The following CCDC33 variants were observed in gnomAD, a reference collection of about 807,000 sequenced individuals.
The protein encoded by CCDC33 is coiled-coil domain containing 33.
CCDC33 carries 94 observed loss-of-function variants against 91.9 expected under a neutral mutation model. That is an observed-to-expected ratio of 1.02 (90% CI 0.87 to 1.21). The LOEUF (loss-of-function observed/expected upper bound fraction) is 1.21. CCDC33 is among the 50% of genes most tolerant of loss of function. The pLI is 0.00. For missense variants in CCDC33, 940 were observed against 935.5 expected, an observed-to-expected ratio of 1.00 and a Z score of -0.06; for synonymous variants, 396 against 374.5, an observed-to-expected ratio of 1.06 and a Z score of -0.66.
chr15:74,246,462 C>G (rs886490229), intron 2 of CCDC33, among the ~76,000 whole-genome samples: 2 of 152,126 alleles, frequency 1.3e-5, no homozygotes, highest in African/African-American at 4.8e-5. Flanking sequence ...GTAACTCATA[C>G]AACTCAATAG....
intron 2 of CCDC33, among the ~76,000 whole-genome samples, chr15:74,219,210 C>T (rs408703): frequency 6.6e-6 from 1 of 152,228 alleles, no homozygotes; most frequent in Non-Finnish European, 1.5e-5. Flanking sequence ...GAAGCCTCCT[C>T]TGTGTGCCCA....
chr15:74,233,375 C>T (rs922269749), upstream of CCDC33, among the ~76,000 whole-genome samples: 5 of 152,214 alleles, frequency 3.3e-5, no homozygotes, highest in African/African-American at 1.2e-4. Context: ...GACAGCAGGT[C>T]TTCACTTGTT....
chr15:74,229,283 A>G (rs2142188813), intron 2 of CCDC33, among the ~76,000 whole-genome samples: 2 of 152,322 alleles, frequency 1.3e-5, no homozygotes, highest in Middle Eastern at 3.4e-3. Context: ...ACTTGAGGTC[A>G]GGAGTTCGAG....
At chr15:74,211,525 C>T (rs1459712334) in intron 2 of CCDC33, among the ~76,000 whole-genome samples, 13 of 151,870 alleles carry the variant, frequency 8.6e-5, no homozygotes, top group African/African-American at 2.4e-4. Flanking sequence ...TTCGGCCTCC[C>T]GAGTAGCTCG....
chr15:74,324,953 C>T (rs1193251821), intron 11 of CCDC33, among the ~76,000 whole-genome samples: 2 of 150,256 alleles, frequency 1.3e-5, no homozygotes, highest in African/African-American at 4.9e-5. Context: ...CCCACTCCTC[C>T]CCCTCCTCCC....
At chr15:74,309,980 T>G (rs943924785) in intron 11 of CCDC33, among the ~76,000 whole-genome samples, 5 of 151,872 alleles carry the variant, frequency 3.3e-5, no homozygotes, top group African/African-American at 1.2e-4. Flanking sequence ...AGATGCCGTC[T>G]CCACAAAATT....
At chr15:74,318,436 C>A in intron 11 of CCDC33, 1 of 547,470 alleles carries the variant, frequency 1.8e-6, no homozygotes, top group Non-Finnish European at 3.2e-6. Flanking sequence ...TCAGCCACCC[C>A]ACCCAGACAC....
chr15:74,277,299 C>T (rs951148899), intron 7 of CCDC33, among the ~76,000 whole-genome samples: 1 of 152,178 alleles, frequency 6.6e-6, no homozygotes, highest in Non-Finnish European at 1.5e-5. Context: ...CCCTAGAGAC[C>T]CCAGCCCAGC....
chr15:74,238,847 A>G (rs2075260858), intron 1 of CCDC33, among the ~76,000 whole-genome samples: 1 of 152,228 alleles, frequency 6.6e-6, no homozygotes, highest in Non-Finnish European at 1.5e-5. Flanking sequence ...AGAGACAGCA[A>G]GAGTGTGGGG....
intron 2 of CCDC33, among the ~76,000 whole-genome samples, chr15:74,227,843 T>C (rs1038068100): frequency 6.6e-6 from 1 of 152,162 alleles, no homozygotes; most frequent in African/African-American, 2.4e-5. Context: ...GATAATGATG[T>C]CTACTTGGCA....
intron 11 of CCDC33, among the ~76,000 whole-genome samples, chr15:74,320,083 G>T (rs1466283758): frequency 6.6e-6 from 1 of 152,146 alleles, no homozygotes; most frequent in Non-Finnish European, 1.5e-5. Flanking sequence ...GTGGTTGGGA[G>T]GCCCAGATGA....
intron 10 of CCDC33, among the ~76,000 whole-genome samples, chr15:74,295,125 CTGT>C (rs1458863231): frequency 7.9e-5 from 12 of 152,126 alleles, no homozygotes; most frequent in Non-Finnish European, 1.6e-4. Context: ...ATTTTAGAAG[CTGT>C]TGTTACTGCA....
intron 2 of CCDC33, among the ~76,000 whole-genome samples, chr15:74,220,872 C>G (rs1483900224): frequency 1.3e-5 from 2 of 152,204 alleles, no homozygotes; most frequent in Admixed American, 1.3e-4. Context: ...GGGGCTGTTT[C>G]AGCTCCAGAT....
chr15:74,271,546 C>T (rs908988352), intron 5 of CCDC33, among the ~76,000 whole-genome samples, 157 bp from the exon 6 acceptor site: 11 of 152,122 alleles, frequency 7.2e-5, no homozygotes, highest in Non-Finnish European at 1.6e-4. Flanking sequence ...AAAGCAAGAA[C>T]CGAGTAAGGC....
rs753084983 is a variant in CCDC33 at position 74,272,781 on chromosome 15, G to C, written c.649G>C (p.Ala217Pro). The C allele has an allele frequency of 6.2e-7, 1 of 1,614,086 alleles. No individual in the cohort carries two copies. Among genetic ancestry groups the C allele is most frequent in the Non-Finnish European group, 8.5e-7 (1 of 1,180,006 alleles). The change falls in exon 7 of 19, where the codon GCT becomes CCT. Residue 217 changes from alanine to proline, a missense_variant. Physicochemically the swap from Ala to Pro is conservative, Grantham distance 27. Coordinates refer to ENST00000398814, the MANE Select transcript of CCDC33 (RefSeq NM_025055.5). Reference sequence around the variant, plus strand: ...TCCCTGCCTCCCCAGGGTCAGCCAGGCTAACAGGGACCTGGCCTCTGTGGG... The same window carrying C: ...TCCCTGCCTCCCCAGGGTCAGCCAGCCTAACAGGGACCTGGCCTCTGTGGG... ...PNYKEFKVSQ[A>P]NRDLASVGLP...
chr15:74,222,813 TGCATGTCTCTG>T, intron 2 of CCDC33, among the ~76,000 whole-genome samples: 1 of 39,216 alleles, frequency 2.5e-5, no homozygotes, highest in Non-Finnish European at 4.9e-5. Context: ...CCCCGCCGCC[TGCATGTCTCTG>T]GTCCCAGTTC....
intron 1 of CCDC33, chr15:74,209,034 C>T (rs1297850651): frequency 4.4e-6 from 5 of 1,145,378 alleles, no homozygotes; most frequent in East Asian, 1.2e-4. Flanking sequence ...TTGATCTGCT[C>T]CTCCCGGAAG....
chr15:74,243,232 T>A (rs1161223847), intron 1 of CCDC33, among the ~76,000 whole-genome samples: 1 of 152,238 alleles, frequency 6.6e-6, no homozygotes, highest in African/African-American at 2.4e-5. Context: ...CGTAATGCAC[T>A]GAATGCCCCC....
chr15:74,295,466 A>G (rs184243544), intron 10 of CCDC33, among the ~76,000 whole-genome samples: 63 of 152,128 alleles, frequency 4.1e-4, no homozygotes, highest in African/African-American at 1.5e-3. Flanking sequence ...GACTTGAATG[A>G]TAAGAAGGAG....
Sources: allele counts gnomAD v4.1 joint callset (sites outside exome capture counted in the v4.1 genomes callset), GRCh38; gene constraint gnomAD v4.1.1; transcripts MANE v1.5; gene names NCBI Gene and HGNC (gene_info 2026-07-23, HGNC 2026-07-21).